The following TRIO variants were observed in gnomAD, a reference collection of about 807,000 sequenced individuals.
TRIO encodes trio Rho guanine nucleotide exchange factor.
TRIO carries 58 observed loss-of-function variants against 351.9 expected under a neutral mutation model. The observed-to-expected ratio is 0.16, with a 90% CI of 0.13 to 0.21. The LOEUF (loss-of-function observed/expected upper bound fraction) is 0.21, where lower values mean the gene tolerates loss of function less well. TRIO is among the 10% of genes least tolerant of loss of function. The probability of loss-of-function intolerance (pLI) is 1.00; values close to 1 mark genes in which losing one functional copy is unlikely to be tolerated. For synonymous variants in TRIO, 1,758 were observed against 1,595.7 expected (o/e 1.10, Z -2.42); for missense variants, 3,201 against 4,027.8 (o/e 0.79, Z 5.56).
chr5:14,199,971 CG>C (rs756883559), intron 1 of TRIO, among the ~76,000 whole-genome samples: 26 of 152,240 alleles, frequency 1.7e-4, no homozygotes, highest in African/African-American at 5.8e-4. Flanking sequence ...TCAAGGCCAA[CG>C]GTTATGATTA....
chr5:14,432,016 A>G (rs990026403), intron 34 of TRIO, among the ~76,000 whole-genome samples: 1 of 152,190 alleles, frequency 6.6e-6, no homozygotes, highest in Admixed American at 6.5e-5. Context: ...GATACTGGGG[A>G]TTTGAACTTC....
chr5:14,208,898 A>G (rs915741509), intron 1 of TRIO, among the ~76,000 whole-genome samples: 1 of 152,214 alleles, frequency 6.6e-6, no homozygotes, highest in East Asian at 1.9e-4. Flanking sequence ...GAATCATCCT[A>G]TTCTCAGTTA....
At chr5:14,453,073 T>A (rs1752960073) in intron 34 of TRIO, among the ~76,000 whole-genome samples, 1 of 152,166 alleles carries the variant, frequency 6.6e-6, no homozygotes, top group Non-Finnish European at 1.5e-5. Flanking sequence ...TTACCTTTTT[T>A]TTCTTTTTTT....
chr5:14,446,111 T>A (rs1579677437), intron 34 of TRIO, among the ~76,000 whole-genome samples: 1 of 152,224 alleles, frequency 6.6e-6, no homozygotes, highest in East Asian at 1.9e-4. Flanking sequence ...CGCGCTTGCT[T>A]TGTTCCTGCC....
At chr5:14,367,028 C>G in intron 16 of TRIO, 49 bp downstream of exon 16, 1 of 1,608,354 alleles carries the variant, frequency 6.2e-7, no homozygotes, top group East Asian at 2.2e-5. Context: ...TTCCTCAGGA[C>G]AAACATCCTG....
intron 33 of TRIO, among the ~76,000 whole-genome samples, chr5:14,408,873 A>T (rs72748245): frequency 0.13 from 18,430 of 146,616 alleles, 1,921 homozygotes; most frequent in African/African-American, 0.3. Flanking sequence ...TTCTTTTTTT[A>T]AAAAAAAAAA....
intron 1 of TRIO, among the ~76,000 whole-genome samples, chr5:14,203,068 C>A (rs568595802): frequency 6.6e-6 from 1 of 152,076 alleles, no homozygotes; most frequent in Non-Finnish European, 1.5e-5. Flanking sequence ...TAATTAGATA[C>A]CTGATACCTC....
chr5:14,503,830 G>A (rs1005690947), intron 54 of TRIO, among the ~76,000 whole-genome samples: 1 of 152,126 alleles, frequency 6.6e-6, no homozygotes, highest in Non-Finnish European at 1.5e-5. Flanking sequence ...CCCACCTCAG[G>A]CCCCCAGCCC....
At chr5:14,326,913 A>G (rs910643920) in intron 9 of TRIO, among the ~76,000 whole-genome samples, 3 of 152,194 alleles carry the variant, frequency 2.0e-5, no homozygotes, top group African/African-American at 7.2e-5. Context: ...GCTGGATTTC[A>G]TAGCTGTCTG....
At chr5:14,420,042 G>C (rs762718236) in intron 34 of TRIO, 21 bp downstream of exon 34, 8 of 1,604,634 alleles carry the variant, frequency 5.0e-6, no homozygotes, top group Middle Eastern at 1.8e-4. Flanking sequence ...GTGGGGCATG[G>C]GTGGCAGACC....
chr5:14,377,062 A>C (rs747506463), intron 19 of TRIO, among the ~76,000 whole-genome samples: 25 of 151,706 alleles, frequency 1.6e-4, no homozygotes, highest in Non-Finnish European at 2.8e-4. Flanking sequence ...TCTATGTCAT[A>C]TGTTCCCAAT....
intron 1 of TRIO, among the ~76,000 whole-genome samples, chr5:14,212,790 A>T (rs899111870): frequency 2.0e-5 from 3 of 152,230 alleles, no homozygotes; most frequent in African/African-American, 7.2e-5. Flanking sequence ...TTTAATTTAC[A>T]CATTGAATTT....
At chr5:14,319,349 C>T (rs1739664560) in intron 9 of TRIO, among the ~76,000 whole-genome samples, 2 of 152,102 alleles carry the variant, frequency 1.3e-5, no homozygotes, top group East Asian at 3.8e-4. Flanking sequence ...AAGAGTGAGG[C>T]TGGTAAGATT....
intron 11 of TRIO, among the ~76,000 whole-genome samples, chr5:14,350,069 A>G (rs1742916137): frequency 6.6e-6 from 1 of 152,068 alleles, no homozygotes; most frequent in African/African-American, 2.4e-5. Flanking sequence ...CTTTTTTATG[A>G]CTGCATAGTA....
At position 14,332,257 on chromosome 5, in the gene TRIO, T is replaced by C. The variant is rs563997951; in HGVS notation, c.1854+1357T>C. On this transcript the variant is annotated intron_variant, in intron 10 of 56. Coordinates refer to ENST00000344204, the MANE Select transcript of TRIO (RefSeq NM_007118.4). ...CAGGAAGCCATTTCTGTCAACAGCTTTTCGTATGTGCCACGTAATTATCTT... is the reference window on the plus strand; with the variant it reads ...CAGGAAGCCATTTCTGTCAACAGCTCTTCGTATGTGCCACGTAATTATCTT... Among the ~76,000 whole-genome samples, 3 of 152,326 alleles carry C rather than the reference T, an allele frequency of 2.0e-5. No individual in the cohort carries two copies. The South Asian group carries it at 6.2e-4, about 32-fold the overall frequency.
chr5:14,438,547 G>C (rs1364921818), intron 34 of TRIO, among the ~76,000 whole-genome samples: 2 of 152,124 alleles, frequency 1.3e-5, no homozygotes, highest in Non-Finnish European at 2.9e-5. Flanking sequence ...CACGGCCATG[G>C]TTTTGAACCA....
In TRIO at chr5:14,488,234, T is replaced by G; in HGVS notation, c.7606T>G (p.Ser2536Ala). ...CACGTGCTCCTCGGCCAGCGAGCAG[T>G]CCGTGCAGTCCACCCAGAGCAACGG... ...MSTCSSASEQSVQSTQSNGSE... is the reference protein window; with the variant it reads ...MSTCSSASEQAVQSTQSNGSE... Residue 2536 changes from serine to alanine, a missense_variant, in exon 48 of 57, where the codon TCC becomes GCC. Ser to Ala is a moderately conservative substitution (Grantham distance 99). Coordinates refer to ENST00000344204, the MANE Select transcript of TRIO (RefSeq NM_007118.4). The G allele has an allele frequency of 1.3e-6, 2 of 1,583,422 alleles. No individual in the cohort carries two copies. The highest frequency in any genetic ancestry group is 1.7e-6 in the Non-Finnish European group (2 of 1,172,398).
chr5:14,295,249 A>G (rs1366374265), intron 6 of TRIO, among the ~76,000 whole-genome samples: 1 of 152,382 alleles, frequency 6.6e-6, no homozygotes, highest in East Asian at 1.9e-4. Context: ...ATATTAAGGG[A>G]TACCAACAAT....
Position 14,257,860 on chromosome 5 carries a change from C to A in TRIO, c.158-12965C>A, listed in dbSNP as rs555250451. Among the ~76,000 whole-genome samples, 206 of 152,262 alleles carry A rather than the reference C, an allele frequency of 1.4e-3. 1 individual carries two copies. Among genetic ancestry groups the A allele is most frequent in the Middle Eastern group, 3.4e-3 (1 of 294 alleles). ...TAAATGGGCAAAAATTCCCAAAATT[C>A]AGTTATTTAAAGCACTTACCAAACT... On this transcript the variant is annotated intron_variant, in intron 1 of 56. Transcript: ENST00000344204.
Sources: gnomAD v4.1 joint callset for allele counts (sites outside exome capture counted in the v4.1 genomes callset) on GRCh38, gnomAD v4.1.1 for gene constraint, MANE v1.5 for transcripts, NCBI Gene and HGNC (gene_info 2026-07-23, HGNC 2026-07-21) for gene names.